Variants in CADM1 observed in about 807,000 individuals in gnomAD.
CADM1 encodes TSLC-1.
In CADM1, 15 loss-of-function variants were observed where a neutral mutation model predicts 53.1. That is an observed-to-expected ratio of 0.28 (90% CI 0.19 to 0.44). The LOEUF (loss-of-function observed/expected upper bound fraction) is 0.44, where lower values mean the gene tolerates loss of function less well. CADM1 is among the 20% of genes least tolerant of loss of function. The pLI is 1.00. For synonymous variants in CADM1, 281 were observed against 243.0 expected, an observed-to-expected ratio of 1.16 and a Z score of -1.45; for missense variants, 434 against 611.3, an observed-to-expected ratio of 0.71 and a Z score of 3.06.
chr11:115,242,745 G>C (rs937161120), intron 1 of CADM1, among the ~76,000 whole-genome samples: 1 of 152,080 alleles, frequency 6.6e-6, no homozygotes, highest in African/African-American at 2.4e-5. Flanking sequence ...GTTTACAAAA[G>C]GTACATGTGG....
At chr11:115,462,322 C>G (rs1349115989) in intron 1 of CADM1, among the ~76,000 whole-genome samples, 1 of 152,124 alleles carries the variant, frequency 6.6e-6, no homozygotes, top group Non-Finnish European at 1.5e-5. Flanking sequence ...CAGGAAGAGG[C>G]GAGAGTTAAA....
chr11:115,307,397 C>T (rs1458893707), intron 1 of CADM1, among the ~76,000 whole-genome samples: 1 of 151,070 alleles, frequency 6.6e-6, no homozygotes, highest in African/African-American at 2.4e-5. Flanking sequence ...AGCAAGAACA[C>T]CAAAAATGCA....
In CADM1 at chr11:115,198,407, G is replaced by A. The variant is rs751019520; in HGVS notation, c.1110C>T (p.His370=). The part of the protein sequence containing the change: ...DTTATTEPAV[H]GLTQLPNSAE... Reference sequence around the variant, plus strand: ...GATAAACAGTAATGTGATACCAACCGTGAACTGCTGGTTCTGTCGTCGCCG... The same window carrying A: ...GATAAACAGTAATGTGATACCAACCATGAACTGCTGGTTCTGTCGTCGCCG... The change falls in exon 9 of 12, where the codon CAC becomes CAT. Residue 370 remains histidine, a splice_region_variant and synonymous_variant. Coordinates refer to ENST00000331581, the MANE Select transcript of CADM1 (RefSeq NM_001301043.2). The A allele has an allele frequency of 6.3e-7, 1 of 1,593,976 alleles. No individual in the cohort carries two copies. Among genetic ancestry groups the A allele is most frequent in the South Asian group, 1.1e-5 (1 of 89,738 alleles).
chr11:115,173,700 T>TG lies in CADM1; in HGVS notation c.*2773dup. 1 of 648,928 alleles carries TG rather than the reference T, an allele frequency of 1.5e-6. No individual in the cohort carries two copies. The highest frequency in any genetic ancestry group is 1.9e-6 in the Non-Finnish European group (1 of 522,504). The allele number at this position is 648,928 out of a possible 1,614,324, so 40.2% of individuals were successfully genotyped here. A position where few individuals can be genotyped will look rare whatever the true frequency, so the allele number is the denominator to read the frequency against. ...TACTTCTTTTTTTTCTTTTTTTTTT[T>TG]GTAAAAATGGTATACATGAACCAAT... On this transcript the variant is annotated 3_prime_UTR_variant, in exon 12 of 12. Coordinates refer to ENST00000331581, the MANE Select transcript of CADM1 (RefSeq NM_001301043.2).
chr11:115,281,943 CCTT>C (rs1030470584), intron 1 of CADM1, among the ~76,000 whole-genome samples: 3 of 152,044 alleles, frequency 2.0e-5, no homozygotes, highest in African/African-American at 4.8e-5. Context: ...TGTTAGGTGT[CCTT>C]CTGTTTACAA....
intron 1 of CADM1, among the ~76,000 whole-genome samples, chr11:115,342,436 A>C (rs913987177): frequency 2.0e-5 from 3 of 152,170 alleles, no homozygotes; most frequent in Non-Finnish European, 2.9e-5. Flanking sequence ...GAGATTCTAC[A>C]TGGAGGAACA....
chr11:115,184,616 G>A (rs891276097), intron 10 of CADM1, among the ~76,000 whole-genome samples: 92 of 152,256 alleles, frequency 6.0e-4, no homozygotes, highest in African/African-American at 2.1e-3. Flanking sequence ...AGGAATAAAC[G>A]TAAAGCAAGA....
At position 115,361,795 on chromosome 11, in the gene CADM1, T is replaced by A. The variant is rs566077333; in HGVS notation, c.125-121375A>T. Among the ~76,000 whole-genome samples the A allele has an allele frequency of 1.5e-4, 23 of 152,198 alleles. No individual in the cohort carries two copies. The East Asian group carries it at 3.7e-3, about 24-fold the overall frequency. The stretch of plus-strand genomic sequence containing the variant: ...AGGCTGGAGTGCAGTGGCACAATCA[T>A]GCCTTATTGCAGCCTCGACCTCCTG... On this transcript the variant is annotated intron_variant, in intron 1 of 11. Transcript: ENST00000331581.
In CADM1 at chr11:115,176,174, C is replaced by T. The variant is rs1048876; in HGVS notation, c.*300G>A. Reference sequence around the variant, plus strand: ...AGGAACGCAACAAACAAACAAAAAACAAGGCACAGAATTTTCTGCAATCTA... The same window carrying T: ...AGGAACGCAACAAACAAACAAAAAATAAGGCACAGAATTTTCTGCAATCTA... On this transcript the variant is annotated 3_prime_UTR_variant, in exon 12 of 12. Coordinates refer to ENST00000331581, the MANE Select transcript of CADM1 (RefSeq NM_001301043.2). The T allele has an allele frequency of 2.5e-6, 3 of 1,186,018 alleles. No individual in the cohort carries two copies. The African/African-American group carries it at 4.8e-5, about 19-fold the overall frequency. 73.5% of individuals were successfully genotyped at this position (1,186,018 alleles called of 1,614,324 possible).
intron 1 of CADM1, among the ~76,000 whole-genome samples, chr11:115,418,990 G>C (rs142204319): frequency 4.6e-5 from 7 of 152,204 alleles, no homozygotes; most frequent in Admixed American, 4.6e-4. Flanking sequence ...CTGTTAATTG[G>C]GTCCCATAAA....
At chr11:115,448,250 T>C (rs1948496124) in intron 1 of CADM1, among the ~76,000 whole-genome samples, 1 of 152,214 alleles carries the variant, frequency 6.6e-6, no homozygotes, top group African/African-American at 2.4e-5. Flanking sequence ...TATGGGCGTA[T>C]TTTGACTATC....
intron 1 of CADM1, chr11:115,445,689 T>A (rs992310126): frequency 2.3e-5 from 9 of 389,110 alleles, no homozygotes; most frequent in Non-Finnish European, 4.1e-5. Context: ...ACAAAAAATT[T>A]AAAAATTAGC....
intron 3 of CADM1, among the ~76,000 whole-genome samples, chr11:115,234,341 A>G (rs1174083464): frequency 3.9e-5 from 6 of 152,218 alleles, no homozygotes; most frequent in South Asian, 4.1e-4. Flanking sequence ...GGACAGGTAC[A>G]GATAAGGATC....
At chr11:115,501,154 TC>T (rs1949718151) in intron 1 of CADM1, among the ~76,000 whole-genome samples, 1 of 152,208 alleles carries the variant, frequency 6.6e-6, no homozygotes. Context: ...GCTTGTCTCG[TC>T]ACACAAGTCA....
chr11:115,399,018 T>C (rs1947070810), intron 1 of CADM1: 1 of 152,212 alleles, frequency 6.6e-6, no homozygotes, highest in Non-Finnish European at 1.5e-5. Flanking sequence ...ATCTATATAT[T>C]GGAGCACTGT....
At chr11:115,291,773 T>G (rs928943392) in intron 1 of CADM1, among the ~76,000 whole-genome samples, 1 of 151,858 alleles carries the variant, frequency 6.6e-6, no homozygotes, top group African/African-American at 2.4e-5. Flanking sequence ...CAAAACAGGG[T>G]TTAGTATACA....
At chr11:115,326,411 C>T (rs763456193) in intron 1 of CADM1, among the ~76,000 whole-genome samples, 1 of 152,082 alleles carries the variant, frequency 6.6e-6, no homozygotes, top group Non-Finnish European at 1.5e-5. Flanking sequence ...AAGGATATTC[C>T]TAAGTCACAA....
chr11:115,504,348 G>T lies in CADM1; in HGVS notation c.47C>A (p.Ala16Glu). ...LPSGSQCAAA[A>E]AAAAPPGLRL... ...GAGCCCGGGAGGCGCCGCCGCCGCC[G>T]CTGCCGCCGCACACTGGGATCCGCT... The change falls in exon 1 of 12, where the codon GCG becomes GAG. Residue 16 changes from alanine (A) to glutamate (E), a missense_variant. Physicochemically the swap from Ala to Glu is moderately radical, Grantham distance 107 (BLOSUM62 -1). Around this residue, in one of 4 missense-constraint regions of CADM1, gnomAD observed 76 missense variants for 59.8 expected, o/e 1.27. Coordinates refer to ENST00000331581, the MANE Select transcript of CADM1 (RefSeq NM_001301043.2). 2 of 1,548,782 alleles carry T rather than the reference G, an allele frequency of 1.3e-6. No individual in the cohort carries two copies. The highest frequency in any genetic ancestry group is 2.4e-5 in the East Asian group (1 of 40,848).
intron 1 of CADM1, among the ~76,000 whole-genome samples, chr11:115,404,346 AATATAT>A (rs869231204): frequency 0.032 from 1,029 of 32,650 alleles, 38 homozygotes; most frequent in African/African-American, 0.04. Flanking sequence ...AAAAAAAAAA[AATATAT>A]ATATATATAT....
Sources: allele counts gnomAD v4.1 joint callset (sites outside exome capture counted in the v4.1 genomes callset), GRCh38; gene constraint gnomAD v4.1.1; regional missense constraint gnomAD v4.1.1; transcripts MANE v1.5; gene names NCBI Gene and HGNC (gene_info 2026-07-23, HGNC 2026-07-21).